Variants in ZNF704 observed in about 807,000 individuals in gnomAD.
ZNF704 encodes glucocorticoid induced gene 1.
In ZNF704, 10 loss-of-function variants were observed where a neutral mutation model predicts 44.7. The ratio of observed to expected loss-of-function variants is 0.22; its 90% confidence interval spans 0.14 to 0.38. The LOEUF (loss-of-function observed/expected upper bound fraction) is 0.38. ZNF704 is among the 10% of genes least tolerant of loss of function. ZNF704 has a pLI of 1.00. For synonymous variants in ZNF704, 211 were observed against 207.6 expected, an observed-to-expected ratio of 1.02 and a Z score of -0.14; for missense variants, 390 against 545.5, an observed-to-expected ratio of 0.71 and a Z score of 2.84.
intron 7 of ZNF704, among the ~76,000 whole-genome samples, chr8:80,652,373 C>T (rs1375302639): frequency 6.6e-6 from 1 of 151,990 alleles, no homozygotes; most frequent in Non-Finnish European, 1.5e-5. Flanking sequence ...ATCAATGAAT[C>T]CAGGAGCTGT....
intron 4 of ZNF704, among the ~76,000 whole-genome samples, chr8:80,674,148 C>T (rs954264706): frequency 4.6e-5 from 7 of 152,174 alleles, no homozygotes; most frequent in South Asian, 2.1e-4. Context: ...TCCAAGGAGA[C>T]GGTTCACAAA....
chr8:80,755,911 G>C (rs978744228), intron 2 of ZNF704, among the ~76,000 whole-genome samples: 2 of 150,562 alleles, frequency 1.3e-5, no homozygotes, highest in Non-Finnish European at 2.9e-5. Context: ...TTCAGTACCA[G>C]CCTGGGCAAC....
chr8:80,783,081 A>C (rs1001051376), intron 2 of ZNF704, among the ~76,000 whole-genome samples: 2 of 152,174 alleles, frequency 1.3e-5, no homozygotes, highest in African/African-American at 4.8e-5. Flanking sequence ...TAAATGGATA[A>C]AGTCTATACA....
intron 1 of ZNF704, among the ~76,000 whole-genome samples, chr8:80,823,446 C>T (rs187287683): frequency 6.6e-6 from 1 of 152,242 alleles, no homozygotes; most frequent in Non-Finnish European, 1.5e-5. Flanking sequence ...GTGGAGCCCA[C>T]TGCAGCTCAA....
At chr8:80,866,929 G>C (rs570878228) in intron 1 of ZNF704, among the ~76,000 whole-genome samples, 1 of 152,134 alleles carries the variant, frequency 6.6e-6, no homozygotes, top group African/African-American at 2.4e-5. Flanking sequence ...TAGGAGGCAG[G>C]GGGTAAGCAG....
At chr8:80,763,161 T>G (rs889845602) in intron 2 of ZNF704, among the ~76,000 whole-genome samples, 2 of 152,172 alleles carry the variant, frequency 1.3e-5, no homozygotes, top group Non-Finnish European at 2.9e-5. Context: ...GATCTACCAT[T>G]CTGGGGTCTG....
At chr8:80,870,880 A>G (rs77459224) in intron 1 of ZNF704, among the ~76,000 whole-genome samples, 1,990 of 152,228 alleles carry the variant, frequency 0.013, 43 homozygotes, top group African/African-American at 0.045. Context: ...GTTGTCCAAT[A>G]GTCATCTCAG....
intron 2 of ZNF704, among the ~76,000 whole-genome samples, chr8:80,698,105 T>C (rs1044891656): frequency 7.9e-5 from 12 of 152,226 alleles, no homozygotes; most frequent in Non-Finnish European, 1.6e-4. Context: ...CAATACTCAC[T>C]CTTGGAGCAC....
intron 1 of ZNF704, among the ~76,000 whole-genome samples, chr8:80,826,730 G>T (rs1586056842): frequency 6.6e-6 from 1 of 152,138 alleles, no homozygotes; most frequent in East Asian, 1.9e-4. Flanking sequence ...TCCACCACAA[G>T]CAAGTTGGCT....
chr8:80,643,559 A>G (rs1404885425), intron 7 of ZNF704, among the ~76,000 whole-genome samples: 1 of 151,278 alleles, frequency 6.6e-6, no homozygotes, highest in Non-Finnish European at 1.5e-5. Flanking sequence ...CAGAGATGAA[A>G]TGAAATACTT....
At chr8:80,822,272 CG>C (rs201022528) in intron 1 of ZNF704, among the ~76,000 whole-genome samples, 15,792 of 138,824 alleles carry the variant, frequency 0.11, 909 homozygotes, top group African/African-American at 0.23. Flanking sequence ...CCTTCCCCCC[CG>C]CCCCCAACCC....
At chr8:80,670,117 A>G (rs1009285762) in intron 5 of ZNF704, among the ~76,000 whole-genome samples, 1 of 152,182 alleles carries the variant, frequency 6.6e-6, no homozygotes. Flanking sequence ...GGACCCCTTG[A>G]AGTCCAATCA....
At chr8:80,804,178 T>C (rs1807947963) in intron 2 of ZNF704, among the ~76,000 whole-genome samples, 1 of 152,002 alleles carries the variant, frequency 6.6e-6, no homozygotes, top group Non-Finnish European at 1.5e-5. Flanking sequence ...TAAAGAACAA[T>C]AGATGCTGGT....
chr8:80,825,009 G>A (rs947675847), intron 1 of ZNF704, among the ~76,000 whole-genome samples: 3 of 152,136 alleles, frequency 2.0e-5, no homozygotes, highest in Non-Finnish European at 4.4e-5. Context: ...GGAAGAAACC[G>A]CATCAACTAA....
intron 1 of ZNF704, among the ~76,000 whole-genome samples, chr8:80,858,312 A>G (rs919116929): frequency 6.6e-6 from 1 of 152,208 alleles, no homozygotes; most frequent in Non-Finnish European, 1.5e-5. Context: ...ATTAAAGGCT[A>G]TACATTTCCC....
At chr8:80,644,207 C>T (rs1474006978) in intron 7 of ZNF704, among the ~76,000 whole-genome samples, 1 of 152,164 alleles carries the variant, frequency 6.6e-6, no homozygotes, top group Non-Finnish European at 1.5e-5. Context: ...AAGGTCATGG[C>T]ATGTGTGATG....
At chr8:80,652,535 A>C (rs1817940887) in intron 7 of ZNF704, among the ~76,000 whole-genome samples, 1 of 152,230 alleles carries the variant, frequency 6.6e-6, no homozygotes, top group Admixed American at 6.5e-5. Flanking sequence ...GAATACTATA[A>C]ACACCTCTAT....
chr8:80,754,352 T>C (rs1055894501), intron 2 of ZNF704, among the ~76,000 whole-genome samples: 5 of 152,042 alleles, frequency 3.3e-5, no homozygotes, highest in East Asian at 1.9e-4. Context: ...CCAACAAATA[T>C]AGAAAAGGAA....
intron 2 of ZNF704, among the ~76,000 whole-genome samples, chr8:80,714,305 C>T (rs1445572830): frequency 6.6e-6 from 1 of 152,210 alleles, no homozygotes; most frequent in Non-Finnish European, 1.5e-5. Context: ...TAGCATCCAA[C>T]AAATATTTGT....
Sources: allele counts gnomAD v4.1 joint callset (sites outside exome capture counted in the v4.1 genomes callset), GRCh38; gene constraint gnomAD v4.1.1; transcripts MANE v1.5; gene names NCBI Gene and HGNC (gene_info 2026-07-23, HGNC 2026-07-21).